Variants in DLGAP2 observed in about 807,000 individuals in gnomAD.
DLGAP2 encodes the protein disks large-associated protein 2.
DLGAP2 carries 26 observed loss-of-function variants against 100.3 expected under a neutral mutation model. That is an observed-to-expected ratio of 0.26 (90% CI 0.19 to 0.36). DLGAP2 has a LOEUF of 0.36. Ranked by LOEUF, DLGAP2 falls within the 10% of genes least tolerant of loss-of-function variation. The pLI, the probability that DLGAP2 is intolerant of heterozygous loss-of-function variation, is 1.00. For synonymous variants in DLGAP2, 886 were observed against 630.1 expected, an observed-to-expected ratio of 1.41 and a Z score of -6.08; for missense variants, 1,858 against 1,453.2, an observed-to-expected ratio of 1.28 and a Z score of -4.53.
rs182151994 is a variant in DLGAP2, at chr8:1,459,264, A to G, written c.107-42102A>G. ...GACAGGAGTGACAGCCAGCTGGTTT[A>G]CATGCATATACCTGAGGTGTCACCC... On this transcript the variant is annotated intron_variant, in intron 3 of 14. Transcript: ENST00000637795. Among the ~76,000 whole-genome samples, 8 of 137,726 alleles carry G rather than the reference A, an allele frequency of 5.8e-5. 1 individual carries two copies. Among genetic ancestry groups the G allele is most frequent in the Non-Finnish European group, 1.1e-4 (7 of 61,128 alleles). 90.4% of individuals were successfully genotyped at this position (137,726 alleles called of 152,430 possible). A position where few individuals can be genotyped will look rare whatever the true frequency, so the allele number is the denominator to read the frequency against.
At chr8:1,234,524 G>T (rs1206109270) in intron 2 of DLGAP2, among the ~76,000 whole-genome samples, 1 of 152,156 alleles carries the variant, frequency 6.6e-6, no homozygotes, top group African/African-American at 2.4e-5. Flanking sequence ...ACCATTTACA[G>T]CAACAATGAC....
At position 829,081 on chromosome 8, in the gene DLGAP2, G is replaced by A. The variant is rs530419106; in HGVS notation, c.19-78831G>A. Among the ~76,000 whole-genome samples, 83 of 152,176 alleles carry A rather than the reference G, an allele frequency of 5.5e-4. 1 individual carries two copies. Among genetic ancestry groups the A allele is most frequent in the African/African-American group, 1.5e-3 (63 of 41,508 alleles). On this transcript the variant is annotated intron_variant, in intron 1 of 14. Transcript: ENST00000637795. ...AAATTAAACCCATGAGTCCAATTTGGTTTCATTGTTTATGAGGCTAAACCA... is the reference window on the plus strand; with the variant it reads ...AAATTAAACCCATGAGTCCAATTTGATTTCATTGTTTATGAGGCTAAACCA...
chr8:800,109 G>A (rs1796117200), intron 1 of DLGAP2, among the ~76,000 whole-genome samples: 1 of 152,086 alleles, frequency 6.6e-6, no homozygotes, highest in South Asian at 2.1e-4. Flanking sequence ...CTTGGTGTCT[G>A]CTGTCTCTAA....
intron 1 of DLGAP2, among the ~76,000 whole-genome samples, chr8:837,621 C>G (rs980480954): frequency 6.6e-6 from 1 of 151,692 alleles, no homozygotes; most frequent in Non-Finnish European, 1.5e-5. Context: ...GCTTCCCAGG[C>G]TGGCTGCTGT....
chr8:1,182,490 G>C (rs1456111261), intron 2 of DLGAP2, among the ~76,000 whole-genome samples: 2 of 152,214 alleles, frequency 1.3e-5, no homozygotes, highest in Non-Finnish European at 2.9e-5. Flanking sequence ...TAACAGAATT[G>C]TGTCACTAGG....
At chr8:1,677,597 A>T (rs752702800) in intron 11 of DLGAP2, among the ~76,000 whole-genome samples, 13 of 152,222 alleles carry the variant, frequency 8.5e-5, no homozygotes, top group Non-Finnish European at 1.5e-4. Context: ...GTTCTCACCC[A>T]GCATACTGGT....
intron 2 of DLGAP2, among the ~76,000 whole-genome samples, chr8:1,221,354 T>A (rs1044229705): frequency 6.6e-6 from 1 of 152,228 alleles, no homozygotes; most frequent in African/African-American, 2.4e-5. Context: ...CCTTTACTTA[T>A]GAAGCATAGT....
rs550564528 is a variant in DLGAP2 at position 1,108,912 on chromosome 8, G to T, written c.74-149939G>T. ...TGTGAGGTGTGCACGTGCCTATGAAGTGTGCTGGATCTGTGAGGTGTGCAT... is the reference window on the plus strand; with the variant it reads ...TGTGAGGTGTGCACGTGCCTATGAATTGTGCTGGATCTGTGAGGTGTGCAT... On this transcript the variant is annotated intron_variant, in intron 2 of 14. Coordinates refer to ENST00000637795, the MANE Select transcript of DLGAP2 (RefSeq NM_001346810.2). Among the ~76,000 whole-genome samples, 4 of 138,594 alleles carry T rather than the reference G, an allele frequency of 2.9e-5. No individual in the cohort carries two copies. The South Asian group carries it at 9.9e-4, about 34-fold the overall frequency. 90.9% of individuals were successfully genotyped at this position (138,594 alleles called of 152,430 possible).
chr8:1,131,932 T>C (rs1796303637), intron 2 of DLGAP2, among the ~76,000 whole-genome samples: 1 of 152,250 alleles, frequency 6.6e-6, no homozygotes, highest in South Asian at 2.1e-4. Context: ...TGTTTGTATC[T>C]TCATAAGTGT....
chr8:877,459 G>A (rs1010780332), intron 1 of DLGAP2, among the ~76,000 whole-genome samples: 1 of 152,334 alleles, frequency 6.6e-6, no homozygotes, highest in East Asian at 1.9e-4. Flanking sequence ...ACAGTGGTAT[G>A]GGCAGGCTTT....
At chr8:1,391,285 A>G (rs1476854967) in intron 3 of DLGAP2, among the ~76,000 whole-genome samples, 2 of 152,250 alleles carry the variant, frequency 1.3e-5, no homozygotes, top group Non-Finnish European at 2.9e-5. Context: ...ATTTGCAACA[A>G]GAAAGCAAAC....
At chr8:1,615,582 A>G (rs1489683237) in intron 6 of DLGAP2, among the ~76,000 whole-genome samples, 1 of 152,058 alleles carries the variant, frequency 6.6e-6, no homozygotes, top group Non-Finnish European at 1.5e-5. Flanking sequence ...CAGCCATTGT[A>G]AGGTCTTATG....
chr8:1,222,927 A>G (rs984917586), intron 2 of DLGAP2, among the ~76,000 whole-genome samples: 1 of 152,148 alleles, frequency 6.6e-6, no homozygotes, highest in Non-Finnish European at 1.5e-5. Flanking sequence ...CACAGCTAAC[A>G]AAGCCTAAAG....
intron 3 of DLGAP2, among the ~76,000 whole-genome samples, chr8:1,444,663 TC>T (rs1797932159): frequency 6.6e-6 from 1 of 151,888 alleles, no homozygotes; most frequent in South Asian, 2.1e-4. Context: ...AGGTTGATGG[TC>T]CCATGATTTT....
chr8:1,505,851 G>A (rs1246436674), intron 4 of DLGAP2, among the ~76,000 whole-genome samples: 1 of 152,142 alleles, frequency 6.6e-6, no homozygotes, highest in Non-Finnish European at 1.5e-5. Flanking sequence ...TAAATCAGCT[G>A]TAAAGAGTTG....
intron 2 of DLGAP2, among the ~76,000 whole-genome samples, chr8:1,183,586 G>T (rs1015381449): frequency 2.0e-5 from 3 of 152,206 alleles, no homozygotes; most frequent in Admixed American, 6.5e-5. Flanking sequence ...TGCACATGCT[G>T]CCCGGGGCCA....
chr8:1,601,599 G>C (rs1380743833), intron 6 of DLGAP2, among the ~76,000 whole-genome samples: 4 of 132,650 alleles, frequency 3.0e-5, no homozygotes, highest in Non-Finnish European at 6.8e-5. Flanking sequence ...GCTTTTTACA[G>C]ACAGATCAGA....
At chr8:1,234,642 C>A (rs1008284507) in intron 2 of DLGAP2, among the ~76,000 whole-genome samples, 1 of 152,142 alleles carries the variant, frequency 6.6e-6, no homozygotes, top group Non-Finnish European at 1.5e-5. Context: ...CTAAAATAAT[C>A]CCGTCTCTGG....
intron 3 of DLGAP2, among the ~76,000 whole-genome samples, chr8:1,308,077 T>G (rs946762001): frequency 2.6e-5 from 4 of 152,092 alleles, no homozygotes; most frequent in African/African-American, 9.7e-5. Flanking sequence ...ATACACCAGG[T>G]CAATGTGCGT....
Sources: gnomAD v4.1 joint callset for allele counts (sites outside exome capture counted in the v4.1 genomes callset) on GRCh38, gnomAD v4.1.1 for gene constraint, MANE v1.5 for transcripts, NCBI Gene and HGNC (gene_info 2026-07-23, HGNC 2026-07-21) for gene names.